HMGCLL1: variants seen among roughly 807,000 people sequenced by gnomAD.
HMGCLL1 encodes the protein 3-hydroxy-3-methylglutaryl-CoA lyase like 1, also known as 3-hydroxymethyl-3-methylglutaryl-CoA lyase, cytoplasmic.
Under a neutral mutation model 39.1 loss-of-function variants are expected in HMGCLL1, and 36 were observed. That is an observed-to-expected ratio of 0.92 (90% CI 0.71 to 1.22). HMGCLL1 has a LOEUF of 1.22. HMGCLL1 is among the 50% of genes most tolerant of loss of function. The pLI, the probability that HMGCLL1 is intolerant of heterozygous loss-of-function variation, is 0.00. For missense variants in HMGCLL1, 451 were observed against 416.5 expected (o/e 1.08, Z -0.72); for synonymous variants, 149 against 144.0 (o/e 1.03, Z -0.25).
intron 3 of HMGCLL1, among the ~76,000 whole-genome samples, chr6:55,526,423 G>T (rs922023852): frequency 1.3e-5 from 2 of 151,622 alleles, no homozygotes; most frequent in Admixed American, 6.6e-5. Context: ...ATCTATCATT[G>T]CTCTTATCAA....
chr6:55,463,044 T>C (rs1393268685), intron 7 of HMGCLL1, among the ~76,000 whole-genome samples: 1 of 139,764 alleles, frequency 7.2e-6, no homozygotes, highest in Non-Finnish European at 1.5e-5. Flanking sequence ...TTTTTTTTTT[T>C]TTCTGAGATG....
chr6:55,642,208 T>C, the HMGCLL1 span, among the ~76,000 whole-genome samples: 5 of 147,726 alleles, frequency 3.4e-5, no homozygotes, highest in African/African-American at 1.0e-4. Context: ...GATTTCCAAT[T>C]TCATCCATGT....
the HMGCLL1 span, among the ~76,000 whole-genome samples, chr6:55,621,054 T>A: frequency 6.6e-6 from 1 of 152,120 alleles, no homozygotes; most frequent in African/African-American, 2.4e-5. Flanking sequence ...ACTCAGGTAA[T>A]GTGATTCTTC....
chr6:55,504,203 CT>C (rs1191556367), intron 5 of HMGCLL1, among the ~76,000 whole-genome samples: 1 of 151,654 alleles, frequency 6.6e-6, no homozygotes, highest in Non-Finnish European at 1.5e-5. Context: ...TGAGATTTCT[CT>C]TCACTGTGTC....
upstream of HMGCLL1, among the ~76,000 whole-genome samples, chr6:55,581,738 C>T (rs971104175): frequency 1.4e-4 from 21 of 152,060 alleles, no homozygotes; most frequent in African/African-American, 4.3e-4. Context: ...TTAAAAACTA[C>T]GAAGTGAGTA....
At chr6:55,579,446 T>A (rs549953464), upstream of HMGCLL1, among the ~76,000 whole-genome samples, 3 of 152,182 alleles carry the variant, frequency 2.0e-5, no homozygotes, top group Non-Finnish European at 4.4e-5. Context: ...AAAAGGGGTC[T>A]AAAATAAAAG....
intron 7 of HMGCLL1, among the ~76,000 whole-genome samples, chr6:55,441,703 T>C (rs971795791): frequency 7.1e-6 from 1 of 140,266 alleles, no homozygotes; most frequent in Non-Finnish European, 1.5e-5. Context: ...TTTATTTTGT[T>C]TTTTTGAGAT....
At chr6:55,602,542 A>G in the HMGCLL1 span, among the ~76,000 whole-genome samples, 2 of 152,132 alleles carry the variant, frequency 1.3e-5, no homozygotes, top group South Asian at 2.1e-4. Context: ...ATAATTAACA[A>G]TTAGGCATTA....
At chr6:55,465,543 G>A (rs1056152057) in intron 7 of HMGCLL1, among the ~76,000 whole-genome samples, 1 of 151,856 alleles carries the variant, frequency 6.6e-6, no homozygotes, top group African/African-American at 2.4e-5. Flanking sequence ...TTTTTAAATT[G>A]ATACTATTTC....
At chr6:55,625,906 G>T in the HMGCLL1 span, among the ~76,000 whole-genome samples, 1 of 152,092 alleles carries the variant, frequency 6.6e-6, no homozygotes, top group African/African-American at 2.4e-5. Flanking sequence ...AGGATGACCC[G>T]TTCTGTGGAC....
upstream of HMGCLL1, chr6:55,579,364 C>T (rs142608287): frequency 1.3e-3 from 603 of 474,740 alleles, 4 homozygotes; most frequent in African/African-American, 0.011. Context: ...CCGCACTACA[C>T]TGAGCGCCCA....
intron 1 of HMGCLL1, among the ~76,000 whole-genome samples, chr6:55,553,867 T>C (rs1314559509): frequency 6.6e-6 from 1 of 152,180 alleles, no homozygotes; most frequent in Non-Finnish European, 1.5e-5. Context: ...CTTGCCACAA[T>C]CAAAATAATA....
the HMGCLL1 span, among the ~76,000 whole-genome samples, chr6:55,628,695 C>T: frequency 7.9e-5 from 12 of 152,148 alleles, no homozygotes; most frequent in East Asian, 9.7e-4. Context: ...TGAATTCCCA[C>T]GTGTTGTGGG....
At chr6:55,510,302 A>G (rs936466232) in intron 5 of HMGCLL1, among the ~76,000 whole-genome samples, 16 of 152,032 alleles carry the variant, frequency 1.1e-4, no homozygotes, top group African/African-American at 3.6e-4. Context: ...TATATACCCA[A>G]AGGACTATAA....
chr6:55,619,150 A>G, the HMGCLL1 span, among the ~76,000 whole-genome samples: 1 of 152,046 alleles, frequency 6.6e-6, no homozygotes, highest in African/African-American at 2.4e-5. Flanking sequence ...CAAAAAGAAG[A>G]TGAAGTTGGT....
At chr6:55,482,002 A>G (rs1765773552) in intron 7 of HMGCLL1, among the ~76,000 whole-genome samples, 1 of 152,082 alleles carries the variant, frequency 6.6e-6, no homozygotes, top group Non-Finnish European at 1.5e-5. Context: ...GTGAACACAC[A>G]AATTTCCTAA....
At chr6:55,582,300 T>C (rs897967782), upstream of HMGCLL1, among the ~76,000 whole-genome samples, 1 of 152,194 alleles carries the variant, frequency 6.6e-6, no homozygotes, top group Non-Finnish European at 1.5e-5. Flanking sequence ...GTCTCTGGCA[T>C]GTTGTAGGCA....
At chr6:55,617,092 C>T in the HMGCLL1 span, among the ~76,000 whole-genome samples, 4 of 152,014 alleles carry the variant, frequency 2.6e-5, no homozygotes, top group African/African-American at 9.7e-5. Flanking sequence ...ATATTTGTTA[C>T]ACAGGTAAAT....
chr6:55,664,615 C>A, the HMGCLL1 span, among the ~76,000 whole-genome samples: 2 of 151,724 alleles, frequency 1.3e-5, no homozygotes, highest in African/African-American at 4.8e-5. Flanking sequence ...ACTTTCTCAA[C>A]ACTTAGGGCC....
Sources: gnomAD v4.1 joint callset for allele counts (sites outside exome capture counted in the v4.1 genomes callset) on GRCh38, gnomAD v4.1.1 for gene constraint, MANE v1.5 for transcripts, NCBI Gene and HGNC (gene_info 2026-07-23, HGNC 2026-07-21) for gene names.